The following ARHGEF10 variants were observed in gnomAD, a reference collection of about 807,000 sequenced individuals.
ARHGEF10 encodes the protein Rho guanine nucleotide exchange factor (GEF) 10.
In ARHGEF10, 140 loss-of-function variants were observed where a neutral mutation model predicts 147.4. The observed-to-expected ratio is 0.95, with a 90% CI of 0.83 to 1.09. ARHGEF10 has a LOEUF of 1.09. Ranked by LOEUF, ARHGEF10 falls within the 50% of genes least tolerant of loss-of-function variation. The pLI is 0.00. For missense variants in ARHGEF10, 2,222 were observed against 1,752.7 expected (o/e 1.27, Z -4.78); for synonymous variants, 902 against 695.8 (o/e 1.30, Z -4.67).
intron 15 of ARHGEF10, among the ~76,000 whole-genome samples, chr8:1,900,451 C>A (rs576883880): frequency 2.0e-4 from 30 of 152,272 alleles, no homozygotes; most frequent in South Asian, 1.5e-3. Context: ...CACAGCCCGA[C>A]AGATGTGCTG....
chr8:1,917,039 A>G (rs4379489), intron 18 of ARHGEF10, among the ~76,000 whole-genome samples: 36,240 of 152,226 alleles, frequency 0.24, 4,566 homozygotes, highest in African/African-American at 0.28. Flanking sequence ...GACGTTCCTC[A>G]TGATTGAAAC....
At chr8:1,847,542 A>C (rs1804653119) in intron 2 of ARHGEF10, among the ~76,000 whole-genome samples, 1 of 152,180 alleles carries the variant, frequency 6.6e-6, no homozygotes, top group Non-Finnish European at 1.5e-5. Context: ...TAATGAGCTC[A>C]GACAGACGCC....
chr8:1,875,315 G>A (rs4875946), intron 7 of ARHGEF10, among the ~76,000 whole-genome samples: 80,263 of 151,424 alleles, frequency 0.53, 21,848 homozygotes, highest in East Asian at 0.84. Flanking sequence ...ACTGGGGAGC[G>A]TAGGGGTGCT....
chr8:1,866,422 GAC>G (rs57422654), intron 5 of ARHGEF10, 102 bp from the exon 6 acceptor site: 324,075 of 766,044 alleles, frequency 0.42, 26,543 homozygotes, highest in African/African-American at 0.53. Flanking sequence ...TATATATTCT[GAC>G]ACACACACAC....
intron 27 of ARHGEF10, among the ~76,000 whole-genome samples, chr8:1,950,173 C>A (rs1433189956): frequency 6.6e-6 from 1 of 152,206 alleles, no homozygotes; most frequent in East Asian, 1.9e-4. Flanking sequence ...CCCCTGCCTC[C>A]CACCTCGCCA....
chr8:1,956,751 A>G lies in ARHGEF10; in HGVS notation c.3523A>G (p.Arg1175Gly), dbSNP rs1232576723. ...TGTTGAACTGTTTCCCTTTTCAGGA[A>G]GAGGCATGGTCTCCTACCATGCACA... The part of the protein sequence containing the change: ...RLQGIPKVTG[R>G]GMVSYHAHNS... Residue 1175 changes from arginine (R) to glycine (G), a missense_variant and splice_region_variant, in exon 29 of 29, where the codon AGA becomes GGA. By Grantham distance (125) the Arg-to-Gly change is moderately radical (BLOSUM62 -2). Transcript: ENST00000349830. The G allele has an allele frequency of 6.2e-7, 1 of 1,613,850 alleles. No homozygotes were observed. Among genetic ancestry groups the G allele is most frequent in the South Asian group, 1.1e-5 (1 of 91,078 alleles).
At chr8:1,843,747 G>T (rs1372170482) in intron 2 of ARHGEF10, among the ~76,000 whole-genome samples, 1 of 152,192 alleles carries the variant, frequency 6.6e-6, no homozygotes, top group Non-Finnish European at 1.5e-5. Context: ...GAGCGGGAGG[G>T]TTGTTACAGA....
At chr8:1,923,239 A>G (rs1236106893) in intron 19 of ARHGEF10, 160 bp downstream of exon 19, 28 of 850,420 alleles carry the variant, frequency 3.3e-5, no homozygotes, top group Non-Finnish European at 4.9e-5. Flanking sequence ...AGGTGAGACT[A>G]TTTAATGGTA....
In ARHGEF10 at chr8:1,957,456, T is replaced by A; in HGVS notation, c.*193T>A. The A allele has an allele frequency of 1.3e-6, 1 of 789,196 alleles. No individual in the cohort carries two copies. The allele number at this position is 789,196 out of a possible 1,614,324, so 48.9% of individuals were successfully genotyped here. A position where few individuals can be genotyped will look rare whatever the true frequency, so the allele number is the denominator to read the frequency against. On this transcript the variant is annotated 3_prime_UTR_variant, in exon 29 of 29. Coordinates refer to ENST00000349830, the MANE Select transcript of ARHGEF10 (RefSeq NM_014629.4). ...TTCCTTCTCTTCTGTACAGCAGAAG[T>A]AATTACAAGCACTTCTCACGAAGGC...
At chr8:1,865,562 G>A (rs530461759) in intron 5 of ARHGEF10, among the ~76,000 whole-genome samples, 9 of 149,878 alleles carry the variant, frequency 6.0e-5, no homozygotes, top group South Asian at 2.1e-4. Flanking sequence ...CCAGGGGGCC[G>A]TCATCAGGGC....
rs187840558 is a variant in ARHGEF10 at position 1,854,014 on chromosome 8, A to G, written c.38-3946A>G. Reference sequence around the variant, plus strand: ...GGTGAGGATTTCAGCACAGGGATTTAGGGGACACAATTGAACCTGTCAGGG... The same window carrying G: ...GGTGAGGATTTCAGCACAGGGATTTGGGGGACACAATTGAACCTGTCAGGG... On this transcript the variant is annotated intron_variant, in intron 2 of 28. Coordinates refer to ENST00000349830, the MANE Select transcript of ARHGEF10 (RefSeq NM_014629.4). Among the ~76,000 whole-genome samples the G allele has an allele frequency of 4.5e-3, 684 of 152,352 alleles. 2 individuals carry two copies. The highest frequency in any genetic ancestry group is 0.014 in the African/African-American group (600 of 41,580).
At chr8:1,866,714 G>C in intron 6 of ARHGEF10, 112 bp downstream of exon 6, 1 of 1,045,166 alleles carries the variant, frequency 9.6e-7, no homozygotes, top group Non-Finnish European at 1.5e-6. Context: ...ACTCTAAAAA[G>C]ATGTTTATTT....
Position 1,943,547 on chromosome 8 carries a change from G to A in ARHGEF10, c.3223-1934G>A, listed in dbSNP as rs541140129. 5 of 152,324 alleles carry A rather than the reference G, an allele frequency of 3.3e-5. No individual in the cohort carries two copies. In the East Asian group the frequency reaches 5.8e-4, roughly 18 times the overall value. 9.4% of individuals were successfully genotyped at this position (152,324 alleles called of 1,614,324 possible). A position where few individuals can be genotyped will look rare whatever the true frequency, so the allele number is the denominator to read the frequency against. On this transcript the variant is annotated intron_variant, in intron 26 of 28. Transcript: ENST00000349830. ...CCCAGGCAGATGCTCTGTCTCCCAC[G>A]CCGCACAGCCCAGATAGTTTAGACT...
At chr8:1,848,536 G>C (rs762366820) in intron 2 of ARHGEF10, among the ~76,000 whole-genome samples, 5 of 152,188 alleles carry the variant, frequency 3.3e-5, no homozygotes, top group Non-Finnish European at 5.9e-5. Context: ...TGTTTATTCA[G>C]TGAATGTTGT....
chr8:1,905,505 C>T (rs568757029), intron 16 of ARHGEF10, 66 bp from the exon 17 acceptor site: 3 of 1,598,964 alleles, frequency 1.9e-6, no homozygotes, highest in East Asian at 4.5e-5. Context: ...TACCAGACTT[C>T]TCCTCATCTT....
At chr8:1,943,518 A>G (rs573092444) in intron 26 of ARHGEF10, 1 of 152,394 alleles carries the variant, frequency 6.6e-6, no homozygotes, top group African/African-American at 2.4e-5. Context: ...AAGACTTCCC[A>G]ACTCCCAGGC....
chr8:1,917,041 G>C (rs747465300), intron 18 of ARHGEF10, among the ~76,000 whole-genome samples: 4 of 152,248 alleles, frequency 2.6e-5, no homozygotes, highest in Non-Finnish European at 5.9e-5. Context: ...CGTTCCTCAT[G>C]ATTGAAACTG....
At chr8:1,843,128 T>A (rs753106477) in intron 1 of ARHGEF10, among the ~76,000 whole-genome samples, 1 of 152,236 alleles carries the variant, frequency 6.6e-6, no homozygotes, top group Non-Finnish European at 1.5e-5. Context: ...CATTTCAAGG[T>A]GAAGTCACTC....
intron 9 of ARHGEF10, 91 bp from the exon 10 acceptor site, chr8:1,882,544 C>A: frequency 1.9e-6 from 2 of 1,064,582 alleles, no homozygotes; most frequent in South Asian, 1.3e-5. Flanking sequence ...AAGAACCAGA[C>A]TACTTGACAG....
Sources: gnomAD v4.1 joint callset for allele counts (sites outside exome capture counted in the v4.1 genomes callset) on GRCh38, gnomAD v4.1.1 for gene constraint, MANE v1.5 for transcripts, NCBI Gene and HGNC (gene_info 2026-07-23, HGNC 2026-07-21) for gene names.